Variants in BACH2 observed in about 807,000 individuals in gnomAD.
BACH2 encodes the protein BACH transcriptional regulator 2, also known as transcription regulator protein BACH2.
A neutral mutation model predicts 61.8 loss-of-function variants in BACH2; 5 were observed. That is an observed-to-expected ratio of 0.08 (90% CI 0.04 to 0.17). The LOEUF (loss-of-function observed/expected upper bound fraction) is 0.17. Among genes scored for constraint, BACH2 ranks in the 10% least tolerant of loss-of-function variants. BACH2 has a pLI of 1.00. For missense variants in BACH2, 824 were observed against 1,091.1 expected (o/e 0.76, Z 3.45); for synonymous variants, 446 against 440.1 (o/e 1.01, Z -0.17).
intron 4 of BACH2, among the ~76,000 whole-genome samples, chr6:90,104,733 C>A (rs1782823525): frequency 6.6e-6 from 1 of 152,178 alleles, no homozygotes; most frequent in Non-Finnish European, 1.5e-5. Flanking sequence ...TGGCCAAGGG[C>A]AGCTATTTAC....
chr6:90,137,948 G>T (rs1371867406), intron 4 of BACH2, among the ~76,000 whole-genome samples: 1 of 152,020 alleles, frequency 6.6e-6, no homozygotes, highest in East Asian at 1.9e-4. Context: ...ACCTCTTTGG[G>T]ACTCTGGGTT....
chr6:90,084,972 T>G (rs991893325), intron 5 of BACH2, among the ~76,000 whole-genome samples: 1 of 152,128 alleles, frequency 6.6e-6, no homozygotes, highest in Non-Finnish European at 1.5e-5. Context: ...GTATGGCTAC[T>G]GGGCCCCATA....
intron 6 of BACH2, among the ~76,000 whole-genome samples, chr6:89,974,418 T>C (rs1775538537): frequency 6.6e-6 from 1 of 152,248 alleles, no homozygotes; most frequent in Non-Finnish European, 1.5e-5. Flanking sequence ...TCATCATCAC[T>C]GTGTTAGACA....
chr6:90,131,388 T>C (rs1784073224), intron 4 of BACH2, among the ~76,000 whole-genome samples: 1 of 152,234 alleles, frequency 6.6e-6, no homozygotes, highest in Admixed American at 6.5e-5. Flanking sequence ...CACCTTTGTG[T>C]AGTTGACTCC....
chr6:89,948,358 C>T (rs945079450), intron 7 of BACH2, among the ~76,000 whole-genome samples: 3 of 152,142 alleles, frequency 2.0e-5, no homozygotes, highest in Non-Finnish European at 1.5e-5. Context: ...TGGCACGAGC[C>T]ACCACGCCTG....
At chr6:90,057,712 G>A (rs1418947125) in intron 5 of BACH2, among the ~76,000 whole-genome samples, 2 of 152,184 alleles carry the variant, frequency 1.3e-5, no homozygotes, top group Non-Finnish European at 2.9e-5. Flanking sequence ...GAACATTGAT[G>A]CAAAAATCCT....
chr6:90,075,597 G>C (rs1265834981), intron 5 of BACH2, among the ~76,000 whole-genome samples: 2 of 151,934 alleles, frequency 1.3e-5, no homozygotes, highest in Non-Finnish European at 2.9e-5. Context: ...TATTATTTTG[G>C]AAAGAAAAAA....
At chr6:89,948,929 C>A (rs966762021) in intron 7 of BACH2, among the ~76,000 whole-genome samples, 1 of 152,110 alleles carries the variant, frequency 6.6e-6, no homozygotes, top group Non-Finnish European at 1.5e-5. Context: ...GTCTGCTAGG[C>A]AGTTAAGAGA....
intron 5 of BACH2, among the ~76,000 whole-genome samples, chr6:90,086,060 C>T (rs1234254346): frequency 6.6e-6 from 1 of 152,178 alleles, no homozygotes; most frequent in East Asian, 1.9e-4. Context: ...TTCTAGGTAT[C>T]TCATATAAAT....
intron 4 of BACH2, among the ~76,000 whole-genome samples, chr6:90,098,640 A>G (rs975444927): frequency 2.0e-5 from 3 of 152,214 alleles, no homozygotes; most frequent in Non-Finnish European, 2.9e-5. Context: ...GACCCTTTGA[A>G]GACGATGTAG....
At chr6:90,160,788 G>T (rs1785162739) in intron 4 of BACH2, among the ~76,000 whole-genome samples, 1 of 152,108 alleles carries the variant, frequency 6.6e-6, no homozygotes, top group African/African-American at 2.4e-5. Flanking sequence ...ACCACTTATG[G>T]TCTTTATGAA....
At chr6:89,983,116 C>T (rs1776047548) in intron 6 of BACH2, among the ~76,000 whole-genome samples, 1 of 152,202 alleles carries the variant, frequency 6.6e-6, no homozygotes, top group African/African-American at 2.4e-5. Context: ...TGGGAATATC[C>T]TAAATGTTTA....
At chr6:89,963,259 T>C (rs961492922) in intron 6 of BACH2, among the ~76,000 whole-genome samples, 7 of 152,190 alleles carry the variant, frequency 4.6e-5, no homozygotes, top group South Asian at 2.1e-4. Context: ...CGTGGAGAAA[T>C]TGAAATCCTT....
chr6:90,164,434 C>CA (rs1304873069), intron 4 of BACH2, among the ~76,000 whole-genome samples: 1 of 151,502 alleles, frequency 6.6e-6, no homozygotes, highest in Non-Finnish European at 1.5e-5. Context: ...GCTTACCAAC[C>CA]AAAAAAAGTC....
chr6:89,968,469 AACATT>A (rs1478675573), intron 6 of BACH2, among the ~76,000 whole-genome samples: 1 of 152,250 alleles, frequency 6.6e-6, no homozygotes, highest in Non-Finnish European at 1.5e-5. Flanking sequence ...AGAAGGCAAT[AACATT>A]ACATGTTTAG....
intron 4 of BACH2, among the ~76,000 whole-genome samples, chr6:90,110,273 T>C (rs1783111165): frequency 6.6e-6 from 1 of 152,252 alleles, no homozygotes; most frequent in Non-Finnish European, 1.5e-5. Flanking sequence ...GTGGTAGCTT[T>C]TAAATGTGGA....
At chr6:90,200,034 C>T (rs1452796684) in intron 4 of BACH2, among the ~76,000 whole-genome samples, 2 of 152,134 alleles carry the variant, frequency 1.3e-5, no homozygotes, top group Non-Finnish European at 2.9e-5. Flanking sequence ...TTGTTTCTAT[C>T]AGTGTTTACC....
At chr6:90,112,119 CAAGAT>C (rs1393835001) in intron 4 of BACH2, among the ~76,000 whole-genome samples, 2 of 152,208 alleles carry the variant, frequency 1.3e-5, no homozygotes, top group Non-Finnish European at 1.5e-5. Context: ...GCAGATCAAA[CAAGAT>C]AAGAGTCCAA....
At chr6:90,000,886 C>A (rs1441502652) in intron 6 of BACH2, among the ~76,000 whole-genome samples, 1 of 152,044 alleles carries the variant, frequency 6.6e-6, no homozygotes, top group Non-Finnish European at 1.5e-5. Flanking sequence ...TCCTGTGGTT[C>A]TCTCCCTTCC....
Sources: gnomAD v4.1 joint callset for allele counts (sites outside exome capture counted in the v4.1 genomes callset) on GRCh38, gnomAD v4.1.1 for gene constraint, MANE v1.5 for transcripts, NCBI Gene and HGNC (gene_info 2026-07-23, HGNC 2026-07-21) for gene names.